SHC4: variants seen among roughly 807,000 people sequenced by gnomAD.
SHC4 encodes SHC adaptor protein 4, also known as SHC-transforming protein 4.
A neutral mutation model predicts 69.4 loss-of-function variants in SHC4; 41 were observed. The ratio of observed to expected loss-of-function variants is 0.59; its 90% CI spans 0.46 to 0.77. The LOEUF (loss-of-function observed/expected upper bound fraction) is 0.77, where lower values mean the gene tolerates loss of function less well. SHC4 is among the 30% of genes least tolerant of loss of function. SHC4 has a pLI of 0.00. For synonymous variants in SHC4, 318 were observed against 299.3 expected (o/e 1.06, Z -0.64); for missense variants, 777 against 783.8 (o/e 0.99, Z 0.10).
intron 1 of SHC4, among the ~76,000 whole-genome samples, chr15:48,933,795 C>T (rs1043423626): frequency 6.6e-6 from 1 of 152,128 alleles, no homozygotes; most frequent in Non-Finnish European, 1.5e-5. Context: ...AAGTAAACCC[C>T]TGCATTTACT....
At chr15:48,936,679 C>T (rs1019353568) in intron 1 of SHC4, among the ~76,000 whole-genome samples, 1 of 152,158 alleles carries the variant, frequency 6.6e-6, no homozygotes, top group African/African-American at 2.4e-5. Context: ...TTATTAATGA[C>T]CCAGTCTTGG....
intron 1 of SHC4, among the ~76,000 whole-genome samples, chr15:48,929,953 A>T (rs1900926989): frequency 1.3e-5 from 2 of 152,138 alleles, no homozygotes; most frequent in Admixed American, 1.3e-4. Context: ...TCCCAGGGAG[A>T]GGTGAACAGC....
rs2141045336 is a variant in SHC4 at position 48,962,914 on chromosome 15, C to T, written c.102G>A (p.Arg34=). 1 of 1,613,352 alleles carries T rather than the reference C, an allele frequency of 6.2e-7. No homozygotes were observed. Among genetic ancestry groups the T allele is most frequent in the East Asian group, 2.2e-5 (1 of 44,878 alleles). Residue 34 remains arginine (R), a synonymous_variant, in exon 1 of 12, where the codon CGG becomes CGA. Coordinates refer to ENST00000332408, the MANE Select transcript of SHC4 (RefSeq NM_203349.4). Reference sequence around the variant, plus strand: ...CGTCCAAGGACGTGATCGACTCGTTCCGAAAGCGGCTGTACTTGGCCCTGT... The same window carrying T: ...CGTCCAAGGACGTGATCGACTCGTTTCGAAAGCGGCTGTACTTGGCCCTGT... The part of the protein sequence containing the change: ...MLHRAKYSRF[R]NESITSLDEG...
intron 1 of SHC4, among the ~76,000 whole-genome samples, chr15:48,927,611 C>T (rs953972746): frequency 6.6e-6 from 1 of 152,114 alleles, no homozygotes; most frequent in African/African-American, 2.4e-5. Flanking sequence ...CCCTGGGGTT[C>T]CTGGCCCCAG....
intron 2 of SHC4, among the ~76,000 whole-genome samples, chr15:48,912,142 C>A (rs147456003): frequency 3.3e-5 from 5 of 152,232 alleles, no homozygotes; most frequent in African/African-American, 1.2e-4. Context: ...TCTAGCAAGA[C>A]CAGGGAAGTT....
chr15:48,949,279 G>T (rs1330608424), intron 1 of SHC4, among the ~76,000 whole-genome samples: 1 of 151,622 alleles, frequency 6.6e-6, no homozygotes, highest in African/African-American at 2.4e-5. Context: ...GCTGAGGCAG[G>T]AGACTGGCAT....
chr15:48,948,065 ACACAGGGTCTTGG>A (rs1285895620), intron 1 of SHC4: 1 of 152,258 alleles, frequency 6.6e-6, no homozygotes, highest in Non-Finnish European at 1.5e-5. Context: ...TCTCATGAAT[ACACAGGGTCTTGG>A]ATAGGATTCT....
chr15:48,889,094 C>A (rs1317304219), intron 3 of SHC4, among the ~76,000 whole-genome samples: 3 of 152,096 alleles, frequency 2.0e-5, no homozygotes, highest in African/African-American at 7.2e-5. Context: ...AGATGATAGC[C>A]AGGTTTGCTC....
Position 48,859,304 on chromosome 15 carries a change from GGGGT to G in SHC4, c.947-1493_947-1490del, listed in dbSNP as rs1272257579. Among the ~76,000 whole-genome samples, 89 of 105,034 alleles carry G rather than the reference GGGGT, an allele frequency of 8.5e-4. No homozygotes were observed. The East Asian group carries it at 0.034, about 40-fold the overall frequency. The allele number at this position is 105,034 out of a possible 152,430, so 68.9% of individuals were successfully genotyped here. A position where few individuals can be genotyped will look rare whatever the true frequency, so the allele number is the denominator to read the frequency against. ...AAATTTTGTCTGAACACATTTGAAAGGGGTGTGTGTGTGTGTGTGTGTGTGTGTG... is the reference window on the plus strand; with the variant it reads ...AAATTTTGTCTGAACACATTTGAAAGGTGTGTGTGTGTGTGTGTGTGTGTG... On this transcript the variant is annotated intron_variant, in intron 6 of 11. Coordinates refer to ENST00000332408, the MANE Select transcript of SHC4 (RefSeq NM_203349.4).
At chr15:48,923,966 A>G (rs1900799109) in intron 2 of SHC4, among the ~76,000 whole-genome samples, 2 of 152,126 alleles carry the variant, frequency 1.3e-5, no homozygotes, top group African/African-American at 4.8e-5. Context: ...ACTATTGTAT[A>G]CTGTAGTCTC....
At chr15:48,956,970 CTTTCTTTTTT>C (rs1373725564) in intron 1 of SHC4, among the ~76,000 whole-genome samples, 1 of 70,166 alleles carries the variant, frequency 1.4e-5, no homozygotes. Flanking sequence ...TTCTTTCTTT[CTTTCTTTTTT>C]TTTTTTTTTT....
chr15:48,882,331 T>C (rs1322715664), intron 4 of SHC4, among the ~76,000 whole-genome samples: 1 of 152,152 alleles, frequency 6.6e-6, no homozygotes, highest in East Asian at 1.9e-4. Flanking sequence ...AAATGAGATC[T>C]TAACTTTGGT....
chr15:48,962,658 G>A lies in SHC4; in HGVS notation c.358C>T (p.Gln120Ter). Residue 120 changes from glutamine to a stop codon, truncating the protein, a stop_gained, in exon 1 of 12, where the codon CAG becomes TAG. Coordinates refer to ENST00000332408, the MANE Select transcript of SHC4 (RefSeq NM_203349.4). LOFTEE classifies it high-confidence loss of function. Reference sequence around the variant, plus strand: ...CTGGAACCTGGGTCCCGGCTTTCCTGGAGCTTCAGCCGAGGCACCTCTTTG... The same window carrying A: ...CTGGAACCTGGGTCCCGGCTTTCCTAGAGCTTCAGCCGAGGCACCTCTTTG... ...GTKEVPRLKL[Q>*]ESRDPGSSGP... 1 of 1,614,186 alleles carries A rather than the reference G, an allele frequency of 6.2e-7. No individual in the cohort carries two copies. The highest frequency in any genetic ancestry group is 8.5e-7 in the Non-Finnish European group (1 of 1,180,028).
chr15:48,932,511 G>A (rs1434702093), intron 1 of SHC4, among the ~76,000 whole-genome samples: 2 of 151,948 alleles, frequency 1.3e-5, no homozygotes, highest in Non-Finnish European at 2.9e-5. Flanking sequence ...CCCCGCTTTT[G>A]CCCTCTCATT....
intron 1 of SHC4, among the ~76,000 whole-genome samples, chr15:48,957,689 T>C (rs544831712): frequency 6.6e-6 from 1 of 152,336 alleles, no homozygotes; most frequent in Admixed American, 6.5e-5. Context: ...TTGGGTTGAA[T>C]TATGTCCACC....
intron 1 of SHC4, among the ~76,000 whole-genome samples, chr15:48,956,183 G>C (rs981186011): frequency 3.9e-5 from 6 of 152,168 alleles, no homozygotes; most frequent in Non-Finnish European, 5.9e-5. Flanking sequence ...ATCAGTTTTA[G>C]CTGGAATTAT....
chr15:48,915,576 AC>A (rs143339211), intron 2 of SHC4, among the ~76,000 whole-genome samples: 2,279 of 152,314 alleles, frequency 0.015, 55 homozygotes, highest in African/African-American at 0.052. Flanking sequence ...CCTTCCACTG[AC>A]ACCAGTGCTC....
chr15:48,866,794 G>T (rs1019987426), intron 6 of SHC4, among the ~76,000 whole-genome samples: 1 of 152,134 alleles, frequency 6.6e-6, no homozygotes, highest in Non-Finnish European at 1.5e-5. Flanking sequence ...ATAAATGTTT[G>T]GGGGCAAACT....
At position 48,857,786 on chromosome 15, in the gene SHC4, T is replaced by C; in HGVS notation, c.976A>G (p.Met326Val). The change falls in exon 7 of 12, where the codon ATG becomes GTG. Residue 326 changes from methionine (M) to valine (V), a missense_variant. Physicochemically the swap from Met to Val is conservative, Grantham distance 21 (BLOSUM62 1). Coordinates refer to ENST00000332408, the MANE Select transcript of SHC4 (RefSeq NM_203349.4). ...ATGGTACTTATGACGTCTTGGGCCA[T>C]TCCATTGTGGCATTCCAATATGTGA... ...ACHILECHNG[M>V]AQDVISTIGQ... 1.3e-6 allele frequency: 2 copies of C among 1,586,974 alleles called. 1 individual carries two copies. Among genetic ancestry groups the C allele is most frequent in the South Asian group, 2.4e-5 (2 of 84,962 alleles).
Sources: allele counts gnomAD v4.1 joint callset (sites outside exome capture counted in the v4.1 genomes callset), GRCh38; gene constraint gnomAD v4.1.1; transcripts MANE v1.5; gene names NCBI Gene and HGNC (gene_info 2026-07-23, HGNC 2026-07-21).